The following PDE4D variants were observed in gnomAD, a reference collection of about 807,000 sequenced individuals.
PDE4D encodes the protein phosphodiesterase 4D, also known as 3',5'-cyclic-AMP phosphodiesterase 4D.
PDE4D carries 24 observed loss-of-function variants against 87.4 expected under a neutral mutation model. That is an observed-to-expected ratio of 0.27 (90% CI 0.20 to 0.39). The LOEUF (loss-of-function observed/expected upper bound fraction) is 0.39, where lower values mean the gene tolerates loss of function less well. Ranked by LOEUF, PDE4D falls within the 10% of genes least tolerant of loss-of-function variation. The pLI, the probability that PDE4D is intolerant of heterozygous loss-of-function variation, is 1.00. For synonymous variants in PDE4D, 384 were observed against 383.2 expected, an observed-to-expected ratio of 1.00 and a Z score of -0.02; for missense variants, 714 against 1,041.0, an observed-to-expected ratio of 0.69 and a Z score of 4.32.
At chr5:59,089,350 G>C (rs1768287154) in intron 5 of PDE4D, among the ~76,000 whole-genome samples, 1 of 152,090 alleles carries the variant, frequency 6.6e-6, no homozygotes, top group South Asian at 2.1e-4. Context: ...TTATATGTTA[G>C]TTTTATAATA....
intron 11 of PDE4D, among the ~76,000 whole-genome samples, chr5:58,983,483 T>C (rs1387624881): frequency 6.6e-6 from 1 of 152,228 alleles, no homozygotes; most frequent in African/African-American, 2.4e-5. Flanking sequence ...GCAGACAGCT[T>C]AAACCACATG....
intron 6 of PDE4D, among the ~76,000 whole-genome samples, chr5:59,027,188 C>T (rs1215670667): frequency 6.6e-6 from 1 of 152,122 alleles, no homozygotes; most frequent in Non-Finnish European, 1.5e-5. Context: ...TGAGATCTGT[C>T]TGGTATTTGC....
chr5:60,364,927 T>C (rs1253499003), intron 1 of PDE4D, among the ~76,000 whole-genome samples: 1 of 152,216 alleles, frequency 6.6e-6, no homozygotes, highest in South Asian at 2.1e-4. Context: ...TGGAAGTCCA[T>C]GAAGAACCAC....
chr5:59,390,754 C>T (rs182979130), intron 1 of PDE4D, among the ~76,000 whole-genome samples: 13 of 151,942 alleles, frequency 8.6e-5, no homozygotes, highest in South Asian at 2.1e-4. Flanking sequence ...ATTTAAGAGG[C>T]GGCAAATAAC....
intron 3 of PDE4D, among the ~76,000 whole-genome samples, chr5:59,962,653 A>G (rs937340543): frequency 6.6e-6 from 1 of 152,200 alleles, no homozygotes; most frequent in African/African-American, 2.4e-5. Context: ...GTATCTTCCC[A>G]ATCTCTACAT....
At chr5:59,278,024 G>A (rs1273370992) in intron 1 of PDE4D, among the ~76,000 whole-genome samples, 3 of 152,028 alleles carry the variant, frequency 2.0e-5, no homozygotes, top group African/African-American at 7.2e-5. Flanking sequence ...TTTTTGGATT[G>A]GTACATCAAG....
intron 1 of PDE4D, among the ~76,000 whole-genome samples, chr5:60,308,799 T>G (rs1754734901): frequency 6.6e-6 from 1 of 152,180 alleles, no homozygotes; most frequent in Non-Finnish European, 1.5e-5. Context: ...GCCCCAAGAC[T>G]GAGCTGAGGG....
chr5:59,044,424 A>G (rs1760270079), intron 5 of PDE4D, among the ~76,000 whole-genome samples: 1 of 152,238 alleles, frequency 6.6e-6, no homozygotes, highest in Non-Finnish European at 1.5e-5. Flanking sequence ...TAATTCTTAC[A>G]AAATTTCCCC....
At chr5:59,795,342 G>T (rs1766339531) in intron 1 of PDE4D, among the ~76,000 whole-genome samples, 2 of 152,294 alleles carry the variant, frequency 1.3e-5, no homozygotes, top group Middle Eastern at 3.4e-3. Flanking sequence ...AGAATAAAGA[G>T]ATCTCAGAAG....
chr5:59,744,991 C>G (rs985042416), intron 1 of PDE4D, among the ~76,000 whole-genome samples: 1 of 152,084 alleles, frequency 6.6e-6, no homozygotes, highest in African/African-American at 2.4e-5. Flanking sequence ...TGGACATATG[C>G]CAAACAATTT....
intron 1 of PDE4D, among the ~76,000 whole-genome samples, chr5:60,253,297 G>A (rs1033824399): frequency 4.0e-5 from 6 of 151,818 alleles, no homozygotes; most frequent in African/African-American, 1.5e-4. Context: ...CTTGACATAG[G>A]GTTCCACAAA....
intron 1 of PDE4D, among the ~76,000 whole-genome samples, chr5:59,696,606 A>G (rs1751820567): frequency 6.6e-6 from 1 of 152,206 alleles, no homozygotes. Context: ...CTAAGCAATG[A>G]TCTGAGTTAT....
At chr5:59,642,954 AT>A (rs916034126) in intron 1 of PDE4D, among the ~76,000 whole-genome samples, 14 of 151,680 alleles carry the variant, frequency 9.2e-5, no homozygotes, top group Admixed American at 2.0e-4. Context: ...CAATCTCTAC[AT>A]TTTTTTTTCC....
intron 1 of PDE4D, among the ~76,000 whole-genome samples, chr5:59,848,462 G>C (rs1423107522): frequency 6.6e-6 from 1 of 151,958 alleles, no homozygotes; most frequent in African/African-American, 2.4e-5. Flanking sequence ...GGACATGTCT[G>C]TCTTTATGTA....
chr5:59,145,719 A>T (rs1581047954), intron 5 of PDE4D, among the ~76,000 whole-genome samples: 1 of 152,198 alleles, frequency 6.6e-6, no homozygotes, highest in African/African-American at 2.4e-5. Context: ...CGCTGATTTC[A>T]CCTACATAAT....
At chr5:59,348,625 T>G (rs548415855) in intron 1 of PDE4D, among the ~76,000 whole-genome samples, 77 of 150,000 alleles carry the variant, frequency 5.1e-4, no homozygotes, top group African/African-American at 1.8e-3. Context: ...CTTCAAAGCT[T>G]TTTTTTTTTT....
At chr5:60,047,153 G>A (rs371123680) in intron 2 of PDE4D, among the ~76,000 whole-genome samples, 31 of 152,168 alleles carry the variant, frequency 2.0e-4, no homozygotes, top group Middle Eastern at 3.4e-3. Flanking sequence ...GTTTATTTGC[G>A]TAGAGGTGTT....
At chr5:60,084,436 G>A (rs1399844524) in intron 2 of PDE4D, among the ~76,000 whole-genome samples, 1 of 152,010 alleles carries the variant, frequency 6.6e-6, no homozygotes, top group Non-Finnish European at 1.5e-5. Context: ...GCGCACGCAT[G>A]TGTGTGAGAG....
At chr5:59,816,254 G>A (rs1194203703) in intron 1 of PDE4D, among the ~76,000 whole-genome samples, 1 of 152,194 alleles carries the variant, frequency 6.6e-6, no homozygotes, top group Non-Finnish European at 1.5e-5. Context: ...TTAATAACCT[G>A]TAAGTTATAG....
Sources: allele counts gnomAD v4.1 joint callset (sites outside exome capture counted in the v4.1 genomes callset), GRCh38; gene constraint gnomAD v4.1.1; transcripts MANE v1.5; gene names NCBI Gene and HGNC (gene_info 2026-07-23, HGNC 2026-07-21).